RTBDN: variants seen among roughly 807,000 people sequenced by gnomAD.
The protein encoded by RTBDN is retbindin.
RTBDN carries 24 observed loss-of-function variants against 21.9 expected under a neutral mutation model. The observed-to-expected ratio is 1.10, with a 90% CI of 0.79 to 1.54. RTBDN has a LOEUF of 1.54. Ranked by LOEUF, RTBDN falls within the 40% of genes most tolerant of loss-of-function variation. The pLI, the probability that RTBDN is intolerant of heterozygous loss-of-function variation, is 0.00. For synonymous variants in RTBDN, 141 were observed against 125.9 expected, an observed-to-expected ratio of 1.12 and a Z score of -0.80; for missense variants, 325 against 315.2, an observed-to-expected ratio of 1.03 and a Z score of -0.23.
intron 2 of RTBDN, among the ~76,000 whole-genome samples, chr19:12,829,566 T>C (rs1014573144): frequency 7.2e-5 from 11 of 152,218 alleles, no homozygotes; most frequent in Admixed American, 5.9e-4. Flanking sequence ...TTCTCTCTTT[T>C]TGGGGGTCCA....
rs910047945 is a variant in RTBDN, at chr19:12,825,559, G to C, written c.*147C>G. On this transcript the variant is annotated 3_prime_UTR_variant, in exon 6 of 6. Coordinates refer to ENST00000674343, the MANE Select transcript of RTBDN (RefSeq NM_001270441.2). ...GGTCATTTCTGGGATAACCTGGAGA[G>C]GGGTGGGTCTCTGGAGCTCCAGGGA... 8 of 1,214,860 alleles carry C rather than the reference G, an allele frequency of 6.6e-6. No homozygotes were observed. The highest frequency in any genetic ancestry group is 8.8e-6 in the Non-Finnish European group (8 of 907,474). The allele number at this position is 1,214,860 out of a possible 1,614,324, so 75.3% of individuals were successfully genotyped here. A position where few individuals can be genotyped will look rare whatever the true frequency, so the allele number is the denominator to read the frequency against.
intron 2 of RTBDN, 139 bp downstream of exon 2, chr19:12,829,672 A>T: frequency 1.2e-6 from 1 of 801,266 alleles, no homozygotes; most frequent in Non-Finnish European, 1.9e-6. Flanking sequence ...ATTCTTATCC[A>T]CCATTCTTCA....
rs752202561 is a variant in RTBDN, at chr19:12,830,931, G to C, written c.-18-934C>G. Among the ~76,000 whole-genome samples, 1 of 150,214 alleles carries C rather than the reference G, an allele frequency of 6.7e-6. No individual in the cohort carries two copies. Among genetic ancestry groups the C allele is most frequent in the South Asian group, 2.1e-4 (1 of 4,770 alleles). Reference sequence around the variant, plus strand: ...GTGTTCCCAGGCACCTGTGTCTTTTGTTTGTGTGGCTGTGTGTGTGTTGAG... The same window carrying C: ...GTGTTCCCAGGCACCTGTGTCTTTTCTTTGTGTGGCTGTGTGTGTGTTGAG... On this transcript the variant is annotated intron_variant, in intron 1 of 5. Coordinates refer to ENST00000674343, the MANE Select transcript of RTBDN (RefSeq NM_001270441.2). The surrounding 1 kb of genome is among the most constrained non-coding windows in gnomAD (Gnocchi z 4.2).
At position 12,830,394 on chromosome 19, in the gene RTBDN, C is replaced by A. The variant is rs868410846; in HGVS notation, c.-18-397G>T. ...CCTCCCTCTCTTCTATGCGGCCTCC[C>A]TCCTCCCTCTCTCGCTCCCTGCCGG... On this transcript the variant is annotated intron_variant, in intron 1 of 5. Coordinates refer to ENST00000674343, the MANE Select transcript of RTBDN (RefSeq NM_001270441.2). The surrounding 1 kb of genome is among the most constrained non-coding windows in gnomAD (Gnocchi z 4.2). 1.0e-6 allele frequency: 1 copy of A among 992,558 alleles called. No individual in the cohort carries two copies. Among genetic ancestry groups the A allele is most frequent in the South Asian group, 4.6e-5 (1 of 21,542 alleles). 61.5% of individuals were successfully genotyped at this position (992,558 alleles called of 1,614,324 possible). A position where few individuals can be genotyped will look rare whatever the true frequency, so the allele number is the denominator to read the frequency against.
At chr19:12,826,653 C>G (rs1278378161) in intron 5 of RTBDN, 122 bp downstream of exon 5, 3 of 788,036 alleles carry the variant, frequency 3.8e-6, no homozygotes, top group Admixed American at 4.8e-5. Context: ...GAGATCGCGC[C>G]ACTGCACTCC....
In RTBDN at chr19:12,830,838, AGTGTGTGTGT is replaced by A. The variant is rs5827165; in HGVS notation, c.-18-851_-18-842del. Among the ~76,000 whole-genome samples, 1 of 146,912 alleles carries A rather than the reference AGTGTGTGTGT, an allele frequency of 6.8e-6. No homozygotes were observed. The highest frequency in any genetic ancestry group is 6.7e-5 in the Admixed American group (1 of 14,852). ...AAGCTCTGTATCTATATATGTGGGGAGTGTGTGTGTGTGTGTGTGTGTGTATGTGTGTGAG... is the reference window on the plus strand; with the variant it reads ...AAGCTCTGTATCTATATATGTGGGGAGTGTGTGTGTGTGTATGTGTGTGAG... On this transcript the variant is annotated intron_variant, in intron 1 of 5. Transcript: ENST00000674343. This position sits in a 1 kb window ranked among gnomAD's most constrained non-coding sequence, Gnocchi z 4.2.
upstream of RTBDN, chr19:12,834,601 C>A (rs118145687): frequency 0.022 from 33,420 of 1,517,018 alleles, 401 homozygotes; most frequent in Non-Finnish European, 0.026. The surrounding 1 kb of genome is among the most constrained non-coding windows in gnomAD (Gnocchi z 4.7). Flanking sequence ...CACCGCGATC[C>A]TCAAGTCCAG....
rs769434388 is a variant in RTBDN at position 12,834,489 on chromosome 19, C to G, written c.-19G>C. 7 of 1,535,220 alleles carry G rather than the reference C, an allele frequency of 4.6e-6. No homozygotes were observed. Among genetic ancestry groups the G allele is most frequent in the Middle Eastern group, 1.7e-4 (1 of 5,982 alleles). ...AGGACGCCCTGCGTCCCCCACGCAC[C>G]TGCCTGGCCATCAGGATTCTTCCTA... On this transcript the variant is annotated splice_region_variant and 5_prime_UTR_variant, in exon 1 of 6. Transcript: ENST00000674343. This position sits in a 1 kb window ranked among gnomAD's most constrained non-coding sequence, Gnocchi z 4.7.
Position 12,825,805 on chromosome 19 carries a change from C to A in RTBDN, c.591G>T (p.Arg197=), listed in dbSNP as rs777089977. 2.5e-6 allele frequency: 4 copies of A among 1,612,088 alleles called. No individual in the cohort carries two copies. Among genetic ancestry groups the A allele is most frequent in the African/African-American group, 1.3e-5 (1 of 74,872 alleles). The change falls in exon 6 of 6, where the codon CGG becomes CGT. Residue 197 remains arginine, a synonymous_variant. Coordinates refer to ENST00000674343, the MANE Select transcript of RTBDN (RefSeq NM_001270441.2). ...SAVPRPRPGR[R]GREAPSRRSR... ...AACGCCGGGAGGGAGCTTCCCGGCCCCGTCGTCCTGGTCTGGGACGAGGTA... is the reference window on the plus strand; with the variant it reads ...AACGCCGGGAGGGAGCTTCCCGGCCACGTCGTCCTGGTCTGGGACGAGGTA...
chr19:12,835,213 G>A, upstream of RTBDN: 1 of 992,132 alleles, frequency 1.0e-6, no homozygotes, highest in Admixed American at 2.0e-5. Context: ...AGGCGTCTGG[G>A]TAACGCCGGA....
At chr19:12,834,708 T>C, upstream of RTBDN, 2 of 1,551,232 alleles carry the variant, frequency 1.3e-6, no homozygotes, top group East Asian at 2.2e-5. This position sits in a 1 kb window ranked among gnomAD's most constrained non-coding sequence, Gnocchi z 4.7. Context: ...GTGCGTCCAC[T>C]GCACGGAGTG....
At position 12,834,438 on chromosome 19, in the gene RTBDN, ACC is replaced by A. The variant is rs928307271; in HGVS notation, c.-19+49_-19+50del. 10 of 1,412,232 alleles carry A rather than the reference ACC, an allele frequency of 7.1e-6. No individual in the cohort carries two copies. The highest frequency in any genetic ancestry group is 9.6e-6 in the Non-Finnish European group (10 of 1,037,838). 87.5% of individuals were successfully genotyped at this position (1,412,232 alleles called of 1,614,324 possible). On this transcript the variant is annotated intron_variant, in intron 1 of 5. Transcript: ENST00000674343. The surrounding 1 kb of genome is among the most constrained non-coding windows in gnomAD (Gnocchi z 4.7). ...TTGTGCGGCAACCTCGCCCCTCACC[ACC>A]CCAGGAGCCCCCTCCCGAGGCATAG... is the stretch of plus-strand genomic sequence containing the variant.
upstream of RTBDN, chr19:12,835,263 C>A (rs1969713881): frequency 1.5e-6 from 1 of 667,444 alleles, no homozygotes; most frequent in South Asian, 1.7e-5. Context: ...TTTCAGAGCC[C>A]AGATGGCCCG....
chr19:12,829,862 G>T lies in RTBDN; in HGVS notation c.118C>A (p.Gln40Lys). 1 of 1,614,154 alleles carries T rather than the reference G, an allele frequency of 6.2e-7. No individual in the cohort carries two copies. The highest frequency in any genetic ancestry group is 1.1e-5 in the South Asian group (1 of 91,090). ...AGATCAGCTGCCAGCCCATGGTGTT[G>T]CTGGGACCTGGCTTGGAGTGGGCGG... ...GSRPLQARSQ[Q>K]HHGLAADLGK... The change falls in exon 2 of 6, where the codon CAA (glutamine) becomes AAA (lysine). Residue 40 changes from glutamine (Q) to lysine (K), a missense_variant. Coordinates refer to ENST00000674343, the MANE Select transcript of RTBDN (RefSeq NM_001270441.2).
intron 1 of RTBDN, among the ~76,000 whole-genome samples, chr19:12,831,411 C>T (rs1424278784): frequency 6.6e-6 from 1 of 152,114 alleles, no homozygotes; most frequent in Non-Finnish European, 1.5e-5. Flanking sequence ...GTGAACAAGA[C>T]ATGAAAATTT....
chr19:12,828,506 C>T, intron 4 of RTBDN, 151 bp downstream of exon 4: 1 of 595,022 alleles, frequency 1.7e-6, no homozygotes, highest in South Asian at 2.3e-5. Flanking sequence ...TCGCCCCTAT[C>T]TACCTGGGCT....
chr19:12,834,458 A>C lies in RTBDN; in HGVS notation c.-19+31T>G. The C allele has an allele frequency of 6.7e-7, 1 of 1,501,636 alleles. No individual in the cohort carries two copies. Among genetic ancestry groups the C allele is most frequent in the Non-Finnish European group, 9.0e-7 (1 of 1,115,400 alleles). 93.0% of individuals were successfully genotyped at this position (1,501,636 alleles called of 1,614,324 possible). Reference sequence around the variant, plus strand: ...TCACCACCCCAGGAGCCCCCTCCCGAGGCATAGGACGCCCTGCGTCCCCCA... The same window carrying C: ...TCACCACCCCAGGAGCCCCCTCCCGCGGCATAGGACGCCCTGCGTCCCCCA... On this transcript the variant is annotated intron_variant, in intron 1 of 5. Coordinates refer to ENST00000674343, the MANE Select transcript of RTBDN (RefSeq NM_001270441.2). The surrounding 1 kb of genome is among the most constrained non-coding windows in gnomAD (Gnocchi z 4.7).
intron 1 of RTBDN, among the ~76,000 whole-genome samples, chr19:12,833,672 G>A (rs1969654572): frequency 6.6e-6 from 1 of 152,006 alleles, no homozygotes; most frequent in South Asian, 2.1e-4. Flanking sequence ...TTTTTATAGT[G>A]GTCTCTCGGC....
chr19:12,830,931 G>A lies in RTBDN; in HGVS notation c.-18-934C>T, dbSNP rs752202561. Among the ~76,000 whole-genome samples the A allele has an allele frequency of 2.0e-5, 3 of 150,214 alleles. No individual in the cohort carries two copies. The highest frequency in any genetic ancestry group is 4.4e-5 in the Non-Finnish European group (3 of 67,748). On this transcript the variant is annotated intron_variant, in intron 1 of 5. Transcript: ENST00000674343. This position sits in a 1 kb window ranked among gnomAD's most constrained non-coding sequence, Gnocchi z 4.2. ...GTGTTCCCAGGCACCTGTGTCTTTT[G>A]TTTGTGTGGCTGTGTGTGTGTTGAG...
Sources: allele counts gnomAD v4.1 joint callset (sites outside exome capture counted in the v4.1 genomes callset), GRCh38; gene constraint gnomAD v4.1.1; non-coding constraint Gnocchi (gnomAD v3.1); transcripts MANE v1.5; gene names NCBI Gene and HGNC (gene_info 2026-07-23, HGNC 2026-07-21).